The following MINPP1 variants were observed in gnomAD, a reference collection of about 807,000 sequenced individuals.
MINPP1 encodes multiple inositol-polyphosphate phosphatase 1, also known as multiple inositol polyphosphate phosphatase 1.
MINPP1 carries 28 observed loss-of-function variants against 46.1 expected under a neutral mutation model. The observed-to-expected ratio is 0.61, with a 90% CI of 0.45 to 0.83. The LOEUF (loss-of-function observed/expected upper bound fraction) is 0.83, where lower values mean the gene tolerates loss of function less well. MINPP1 is among the 40% of genes least tolerant of loss of function. The pLI is 0.00. For synonymous variants in MINPP1, 268 were observed against 249.1 expected (o/e 1.08, Z -0.72); for missense variants, 603 against 610.0 (o/e 0.99, Z 0.12).
At chr10:87,523,373 CAG>C (rs1851530108) in intron 4 of MINPP1, among the ~76,000 whole-genome samples, 1 of 149,016 alleles carries the variant, frequency 6.7e-6, no homozygotes, top group African/African-American at 2.5e-5. Context: ...TTTTTTGAGA[CAG>C]AGTCTCGTTC....
rs943737353 is a variant in MINPP1, at chr10:87,531,291, G to C, written c.1067+10122G>C. Among the ~76,000 whole-genome samples the C allele has an allele frequency of 3.3e-5, 5 of 152,356 alleles. No individual in the cohort carries two copies. The East Asian group carries it at 9.6e-4, about 29-fold the overall frequency. The stretch of plus-strand genomic sequence containing the variant: ...GTCTTCTGCATGGCTCACACTGGGA[G>C]CTGTAGACTGGAGCTGTTCTTGGAA... On this transcript the variant is annotated intron_variant, in intron 4 of 4. Coordinates refer to ENST00000371996, the MANE Select transcript of MINPP1 (RefSeq NM_004897.5).
chr10:87,517,560 G>A (rs971507805), intron 3 of MINPP1, among the ~76,000 whole-genome samples: 1 of 151,932 alleles, frequency 6.6e-6, no homozygotes, highest in Non-Finnish European at 1.5e-5. Context: ...AGATTTATGA[G>A]GTTGCATATA....
chr10:87,540,726 A>G (rs1564681836), intron 4 of MINPP1, among the ~76,000 whole-genome samples: 1 of 152,220 alleles, frequency 6.6e-6, no homozygotes. Context: ...GTGATTGGGC[A>G]TATACTAACT....
intron 4 of MINPP1, among the ~76,000 whole-genome samples, chr10:87,537,312 C>G (rs1939351972): frequency 6.6e-6 from 1 of 152,164 alleles, no homozygotes; most frequent in South Asian, 2.1e-4. Context: ...CACATCCTGC[C>G]AACGCTTCAT....
chr10:87,525,486 G>A (rs112595745), intron 4 of MINPP1, among the ~76,000 whole-genome samples: 15 of 151,964 alleles, frequency 9.9e-5, no homozygotes, highest in African/African-American at 3.6e-4. Flanking sequence ...CTTTTTCATG[G>A]CTGAATAATA....
rs1411481775 is a variant in MINPP1 at position 87,505,985 on chromosome 10, C to T, written c.637+433C>T. Among the ~76,000 whole-genome samples, 2 of 151,544 alleles carry T rather than the reference C, an allele frequency of 1.3e-5. No individual in the cohort carries two copies. The highest frequency in any genetic ancestry group is 1.9e-4 in the East Asian group (1 of 5,184). On this transcript the variant is annotated intron_variant, in intron 1 of 4. Coordinates refer to ENST00000371996, the MANE Select transcript of MINPP1 (RefSeq NM_004897.5). This position sits in a 1 kb window ranked among gnomAD's most constrained non-coding sequence, Gnocchi z 4.4. ...AAACAGAATCTAGAATTTTCTTCCT[C>T]GGGCTTTGCTTCCGATACTAGTTTT...
Position 87,513,230 on chromosome 10 carries a change from T to C in MINPP1, c.933+9T>C. The stretch of plus-strand genomic sequence containing the variant: ...ACATAGATGATGCAAAGGTAAGTAT[T>C]ATTTTTGCAGTTTCTTTGCTTTTTT... On this transcript the variant is annotated intron_variant, in intron 3 of 4. Coordinates refer to ENST00000371996, the MANE Select transcript of MINPP1 (RefSeq NM_004897.5). 1 of 1,606,156 alleles carries C rather than the reference T, an allele frequency of 6.2e-7. No homozygotes were observed. The highest frequency in any genetic ancestry group is 8.5e-7 in the Non-Finnish European group (1 of 1,173,480).
chr10:87,507,430 G>T (rs536858340), intron 1 of MINPP1, among the ~76,000 whole-genome samples: 1 of 152,128 alleles, frequency 6.6e-6, no homozygotes, highest in Non-Finnish European at 1.5e-5. Flanking sequence ...ATTTTCTTAA[G>T]AATTGCAATC....
At chr10:87,514,505 A>G (rs565851843) in intron 3 of MINPP1, among the ~76,000 whole-genome samples, 31 of 152,296 alleles carry the variant, frequency 2.0e-4, no homozygotes, top group Non-Finnish European at 4.3e-4. Flanking sequence ...AACCTGAAAG[A>G]GTGCTCCAGC....
chr10:87,509,982 T>G (rs952864698), intron 2 of MINPP1, among the ~76,000 whole-genome samples: 17 of 152,222 alleles, frequency 1.1e-4, no homozygotes, highest in African/African-American at 4.1e-4. Context: ...CAACTTCTTT[T>G]TGGAAGCAGT....
intron 4 of MINPP1, among the ~76,000 whole-genome samples, chr10:87,524,209 TTCTACA>T (rs1313578422): frequency 5.9e-5 from 9 of 152,356 alleles, no homozygotes; most frequent in African/African-American, 2.2e-4. Context: ...CACTTGCAGT[TTCTACA>T]TCAGGACTTG....
At chr10:87,518,334 A>G (rs1469891969) in intron 3 of MINPP1, among the ~76,000 whole-genome samples, 1 of 149,842 alleles carries the variant, frequency 6.7e-6, no homozygotes, top group Non-Finnish European at 1.5e-5. Context: ...CCTCCTTTTT[A>G]TTTCTAATAG....
chr10:87,514,725 T>C (rs1419870459), intron 3 of MINPP1, among the ~76,000 whole-genome samples: 1 of 152,174 alleles, frequency 6.6e-6, no homozygotes, highest in Non-Finnish European at 1.5e-5. Context: ...TTATTATTAC[T>C]ATTTTTTTGA....
At chr10:87,516,942 G>A (rs11202429) in intron 3 of MINPP1, among the ~76,000 whole-genome samples, 130,488 of 152,088 alleles carry the variant, frequency 0.86, 56,396 homozygotes, top group African/African-American at 0.97. Context: ...CTCAGCGTGT[G>A]TTTTTTTTCT....
At chr10:87,507,540 A>T (rs1379202289) in intron 1 of MINPP1, among the ~76,000 whole-genome samples, 1 of 152,112 alleles carries the variant, frequency 6.6e-6, no homozygotes, top group African/African-American at 2.4e-5. Context: ...AACTATATTC[A>T]ATTTTCTCAT....
At chr10:87,536,798 G>A (rs907063205) in intron 4 of MINPP1, among the ~76,000 whole-genome samples, 13 of 152,260 alleles carry the variant, frequency 8.5e-5, no homozygotes, top group Middle Eastern at 3.4e-3. Context: ...TTCACCTTTT[G>A]ATGAACATTT....
Position 87,552,400 on chromosome 10 carries a change from C to T in MINPP1, c.1386C>T (p.Tyr462=). Residue 462 remains tyrosine (Y), a synonymous_variant, in exon 5 of 5, where the codon TAC becomes TAT. Coordinates refer to ENST00000371996, the MANE Select transcript of MINPP1 (RefSeq NM_004897.5). Reference sequence around the variant, plus strand: ...TTTATGAAGATCTGAAGAACCACTACAAGGACATCCTTCAGAGTTGTCAAA... The same window carrying T: ...TTTATGAAGATCTGAAGAACCACTATAAGGACATCCTTCAGAGTTGTCAAA... ...VSFYEDLKNH[Y]KDILQSCQTS... 6.2e-7 allele frequency: 1 copy of T among 1,613,424 alleles called. No individual in the cohort carries two copies. Among genetic ancestry groups the T allele is most frequent in the Non-Finnish European group, 8.5e-7 (1 of 1,179,644 alleles).
chr10:87,550,500 A>G (rs1466426890), intron 4 of MINPP1, among the ~76,000 whole-genome samples: 1 of 152,140 alleles, frequency 6.6e-6, no homozygotes, highest in African/African-American at 2.4e-5. Flanking sequence ...GTTTCAGTGT[A>G]CTTTTTGAGT....
chr10:87,548,500 G>A (rs1008776867), intron 4 of MINPP1, among the ~76,000 whole-genome samples: 5 of 152,150 alleles, frequency 3.3e-5, no homozygotes, highest in Non-Finnish European at 7.3e-5. Context: ...ATGAATATGA[G>A]CATCATCAGC....
Sources: gnomAD v4.1 joint callset for allele counts (sites outside exome capture counted in the v4.1 genomes callset) on GRCh38, gnomAD v4.1.1 for gene constraint, Gnocchi (gnomAD v3.1) non-coding constraint, MANE v1.5 for transcripts, NCBI Gene and HGNC (gene_info 2026-07-23, HGNC 2026-07-21) for gene names.